The following APOOL variants were observed in gnomAD, a reference collection of about 807,000 sequenced individuals.
The protein encoded by APOOL is apolipoprotein O like.
A neutral mutation model predicts 23.1 loss-of-function variants in APOOL; 12 were observed. The ratio of observed to expected loss-of-function variants is 0.52; its 90% CI spans 0.33 to 0.84. APOOL has a LOEUF of 0.84. APOOL is among the 40% of genes least tolerant of loss of function. The pLI, the probability that APOOL is intolerant of heterozygous loss-of-function variation, is 0.02. For synonymous variants in APOOL, 77 were observed against 69.9 expected (o/e 1.10, Z -0.51); for missense variants, 212 against 199.6 (o/e 1.06, Z -0.37).
intron 6 of APOOL, 75 bp from the exon 7 acceptor site, chrX:85,073,923 C>G: frequency 1.4e-6 from 1 of 717,203 alleles, no homozygotes; most frequent in Non-Finnish European, 2.0e-6. Context: ...TATAAAATAC[C>G]TGACAAATCT....
intron 1 of APOOL, among the ~76,000 whole-genome samples, chrX:85,033,053 A>G: frequency 8.9e-6 from 1 of 112,328 alleles, no homozygotes; most frequent in African/African-American, 3.2e-5. Flanking sequence ...AAAGTGCTAT[A>G]TTGAAAAAGT....
chrX:85,016,560 C>T (rs1318403132), intron 1 of APOOL, among the ~76,000 whole-genome samples: 3 of 110,906 alleles, frequency 2.7e-5, no homozygotes, highest in South Asian at 4.0e-4. Flanking sequence ...ACTCCTCTTA[C>T]GGGGATACAC....
At chrX:85,036,105 A>C (rs1358860920) in intron 1 of APOOL, among the ~76,000 whole-genome samples, 2 of 112,349 alleles carry the variant, frequency 1.8e-5, no homozygotes, top group African/African-American at 6.5e-5. Context: ...CTTCCTATCC[A>C]TGAGCATGGA....
At chrX:85,025,625 A>G (rs1015689866) in intron 1 of APOOL, among the ~76,000 whole-genome samples, 2 of 112,418 alleles carry the variant, frequency 1.8e-5, no homozygotes, top group Admixed American at 1.9e-4. Flanking sequence ...GCTAAAATAA[A>G]TGGGCTACAT....
intron 1 of APOOL, among the ~76,000 whole-genome samples, chrX:85,012,092 T>A (rs1313300886): frequency 9.0e-6 from 1 of 111,577 alleles, no homozygotes; most frequent in Non-Finnish European, 1.9e-5. Flanking sequence ...ATTTTTTTGT[T>A]TCTGTTTTGC....
chrX:85,047,278 T>C (rs1401835132), intron 2 of APOOL, among the ~76,000 whole-genome samples: 3 of 111,922 alleles, frequency 2.7e-5, no homozygotes, highest in Non-Finnish European at 5.7e-5. Context: ...TTTGAGTTCC[T>C]CACTATCATG....
chrX:85,015,542 ATATTTATTTATT>A (rs150837249), intron 1 of APOOL, among the ~76,000 whole-genome samples: 67 of 98,981 alleles, frequency 6.8e-4, no homozygotes, highest in South Asian at 6.3e-3. Flanking sequence ...TCGGACTTTA[ATATTTATTTATT>A]TATTTATTTA....
At chrX:85,007,123 A>C (rs1430951857) in intron 1 of APOOL, among the ~76,000 whole-genome samples, 2 of 111,507 alleles carry the variant, frequency 1.8e-5, no homozygotes, top group African/African-American at 6.5e-5. Context: ...TGCCTTTAGG[A>C]GTTTAAGAAT....
intron 8 of APOOL, among the ~76,000 whole-genome samples, chrX:85,086,814 C>G (rs1414719791): frequency 1.4e-5 from 1 of 73,830 alleles, no homozygotes; most frequent in African/African-American, 5.4e-5. Context: ...ATTCTCCTGC[C>G]TCAGCCTCCC....
At position 85,055,837 on chromosome X, in the gene APOOL, C is replaced by A; in HGVS notation, c.306C>A (p.Val102=). The change falls in exon 5 of 9, where the codon GTC becomes GTA. Residue 102 remains valine, a synonymous_variant. Coordinates refer to ENST00000373173, the MANE Select transcript of APOOL (RefSeq NM_198450.6). ...DTVQFGKDAY[V]YLKNPPRDFL... is the part of the protein sequence containing the mutation. The stretch of plus-strand genomic sequence containing the variant: ...AACTGATTTCTTGAGATGCTTATGT[C>A]TATCTGAAGAATCCTCCTCGAGATT... 8.4e-7 allele frequency: 1 copy of A among 1,190,738 alleles called. No individual in the cohort carries two copies. Among genetic ancestry groups the A allele is most frequent in the South Asian group, 1.9e-5 (1 of 53,338 alleles).
chrX:85,037,820 C>T (rs1222075151), intron 1 of APOOL, among the ~76,000 whole-genome samples: 1 of 111,285 alleles, frequency 9.0e-6, no homozygotes, highest in African/African-American at 3.3e-5. Flanking sequence ...CATATACAAA[C>T]GTCAACTCAA....
chrX:85,046,593 G>A (rs200897529), intron 2 of APOOL, 43 bp downstream of exon 2: 14 of 1,024,534 alleles, frequency 1.4e-5, no homozygotes, highest in Non-Finnish European at 1.8e-5. Flanking sequence ...ATAATATCAA[G>A]ATGACACAAA....
chrX:85,021,523 A>G (rs888211005), intron 1 of APOOL, among the ~76,000 whole-genome samples: 4 of 110,799 alleles, frequency 3.6e-5, no homozygotes, highest in Non-Finnish European at 7.6e-5. Context: ...TCTCACCCCA[A>G]TACTGGGACA....
At chrX:85,057,497 T>C (rs1923012868) in intron 5 of APOOL, among the ~76,000 whole-genome samples, 1 of 105,597 alleles carries the variant, frequency 9.5e-6, no homozygotes, top group South Asian at 4.0e-4. Flanking sequence ...ATAATATAGA[T>C]ATATAACATA....
intron 8 of APOOL, among the ~76,000 whole-genome samples, chrX:85,083,669 T>C (rs1176216084): frequency 8.9e-6 from 1 of 112,064 alleles, no homozygotes; most frequent in African/African-American, 3.2e-5. Flanking sequence ...ATCCTGATTT[T>C]ATATACAAGA....
chrX:85,023,879 T>C (rs1016729861), intron 1 of APOOL, among the ~76,000 whole-genome samples: 1 of 112,365 alleles, frequency 8.9e-6, no homozygotes, highest in African/African-American at 3.2e-5. Flanking sequence ...ATTTTTGTGT[T>C]GTAAATGGGA....
chrX:85,062,905 CA>C (rs1923289233), intron 5 of APOOL, among the ~76,000 whole-genome samples: 1 of 111,501 alleles, frequency 9.0e-6, no homozygotes, highest in African/African-American at 3.3e-5. Context: ...TGAAGAATGT[CA>C]ATGATAACTG....
intron 1 of APOOL, among the ~76,000 whole-genome samples, chrX:85,032,342 C>T (rs1325979528): frequency 5.4e-5 from 6 of 110,643 alleles, no homozygotes; most frequent in Non-Finnish European, 9.5e-5. Context: ...TGGAGAAACC[C>T]GGTCTCTACT....
At chrX:85,046,296 TA>T (rs2147644223) in intron 1 of APOOL, 149 bp from the exon 2 acceptor site, 1 of 449,186 alleles carries the variant, frequency 2.2e-6, no homozygotes, top group East Asian at 4.0e-5. Flanking sequence ...AACTATGTCT[TA>T]AAAATGTCTG....
Sources: gnomAD v4.1 joint callset for allele counts (sites outside exome capture counted in the v4.1 genomes callset) on GRCh38, gnomAD v4.1.1 for gene constraint, MANE v1.5 for transcripts, NCBI Gene and HGNC (gene_info 2026-07-23, HGNC 2026-07-21) for gene names.